The following KALRN variants were observed in gnomAD, a reference collection of about 807,000 sequenced individuals.
KALRN encodes the protein kalirin.
KALRN carries 70 observed loss-of-function variants against 353.7 expected under a neutral mutation model. That is an observed-to-expected ratio of 0.20 (90% CI 0.16 to 0.24). KALRN has a LOEUF of 0.24. Among genes scored for constraint, KALRN ranks in the 10% least tolerant of loss-of-function variants. The pLI, the probability that KALRN is intolerant of heterozygous loss-of-function variation, is 1.00. For synonymous variants in KALRN, 1,391 were observed against 1,434.8 expected, an observed-to-expected ratio of 0.97 and a Z score of 0.69; for missense variants, 2,791 against 3,756.7, an observed-to-expected ratio of 0.74 and a Z score of 6.72.
At chr3:124,355,511 A>ATGAAATAAGAATAAAAGGTATAG (rs1232142064) in intron 10 of KALRN, among the ~76,000 whole-genome samples, 2 of 152,146 alleles carry the variant, frequency 1.3e-5, no homozygotes, top group Non-Finnish European at 2.9e-5. Flanking sequence ...CTTCCCATAG[A>ATGAAATAAGAATAAAAGGTATAG]TGAAATAAGA....
intron 42 of KALRN, 121 bp from the exon 43 acceptor site, chr3:124,659,244 T>A: frequency 1.3e-6 from 1 of 742,240 alleles, no homozygotes. Context: ...TCACATTACT[T>A]AAAGATTCTT....
intron 33 of KALRN, among the ~76,000 whole-genome samples, chr3:124,546,093 A>T (rs1325044576): frequency 1.3e-5 from 2 of 152,110 alleles, no homozygotes; most frequent in Non-Finnish European, 2.9e-5. Flanking sequence ...TTTAAATACA[A>T]TGGCCATTTT....
chr3:124,071,346 C>T (rs547297850), intron 1 of KALRN, among the ~76,000 whole-genome samples: 21 of 152,290 alleles, frequency 1.4e-4, no homozygotes, highest in Non-Finnish European at 1.0e-4. Context: ...CCGTTTATAG[C>T]GCGAAAACAT....
chr3:124,264,758 G>A (rs187793004), intron 4 of KALRN, 68 bp downstream of exon 4: 97 of 1,344,650 alleles, frequency 7.2e-5, no homozygotes, highest in Admixed American at 6.3e-4. Flanking sequence ...CATTTCTCAC[G>A]TCCTCTTCTC....
At chr3:124,352,919 C>T (rs761464213) in intron 10 of KALRN, among the ~76,000 whole-genome samples, 69 of 152,204 alleles carry the variant, frequency 4.5e-4, no homozygotes, top group African/African-American at 1.5e-3. Flanking sequence ...ATATAAATGA[C>T]GGGTTGGTGG....
chr3:124,125,078 T>C (rs1252388900), intron 1 of KALRN, among the ~76,000 whole-genome samples: 1 of 152,176 alleles, frequency 6.6e-6, no homozygotes, highest in Non-Finnish European at 1.5e-5. Flanking sequence ...CAACCCTAGT[T>C]CAGAACCTGG....
At chr3:124,486,073 G>A (rs551899315) in intron 28 of KALRN, among the ~76,000 whole-genome samples, 3 of 152,188 alleles carry the variant, frequency 2.0e-5, no homozygotes, top group South Asian at 4.2e-4. Flanking sequence ...TAGGTATGGC[G>A]TGAAAGTAGA....
At chr3:124,654,373 G>A (rs141701140) in intron 38 of KALRN, among the ~76,000 whole-genome samples, 29 of 152,286 alleles carry the variant, frequency 1.9e-4, no homozygotes, top group African/African-American at 6.5e-4. Context: ...GGGGCTATAC[G>A]GAGCAAGAGT....
At chr3:124,702,254 T>C (rs2150693641) in intron 57 of KALRN, 138 bp downstream of exon 57, 1 of 517,338 alleles carries the variant, frequency 1.9e-6, no homozygotes, top group African/African-American at 1.9e-5. Flanking sequence ...ACTAAAATAT[T>C]CGTTTGTATT....
At chr3:124,585,505 G>A (rs1484755708) in intron 34 of KALRN, among the ~76,000 whole-genome samples, 1 of 152,146 alleles carries the variant, frequency 6.6e-6, no homozygotes, top group African/African-American at 2.4e-5. Context: ...TGCCCAGTTA[G>A]GACTGTATTT....
chr3:124,718,825 G>T (rs2063287402), intron 59 of KALRN, 100 bp from the exon 60 acceptor site: 2 of 1,118,892 alleles, frequency 1.8e-6, no homozygotes, highest in Admixed American at 2.1e-5. Context: ...CTTTATCAAA[G>T]AATAGCATAA....
At chr3:124,594,577 A>C (rs2076099543) in intron 34 of KALRN, among the ~76,000 whole-genome samples, 1 of 152,354 alleles carries the variant, frequency 6.6e-6, no homozygotes, top group South Asian at 2.1e-4. Flanking sequence ...CAAGACTTAA[A>C]CTTGACAACT....
At chr3:124,212,306 T>A (rs2076968356) in intron 1 of KALRN, among the ~76,000 whole-genome samples, 1 of 152,078 alleles carries the variant, frequency 6.6e-6, no homozygotes, top group African/African-American at 2.4e-5. Context: ...AAATCACTAT[T>A]TCAGAAGGTT....
intron 1 of KALRN, among the ~76,000 whole-genome samples, chr3:124,144,979 C>T (rs1009289215): frequency 2.0e-5 from 3 of 152,130 alleles, no homozygotes; most frequent in African/African-American, 7.2e-5. Flanking sequence ...TTCAAGAAAG[C>T]CCAGGAGTTT....
At chr3:124,428,352 A>C (rs2093120769) in intron 15 of KALRN, among the ~76,000 whole-genome samples, 1 of 152,338 alleles carries the variant, frequency 6.6e-6, no homozygotes, top group Non-Finnish European at 1.5e-5. Flanking sequence ...ACTAAAAATC[A>C]CCACCAGTAC....
chr3:124,360,659 T>C (rs1560675455), intron 10 of KALRN, among the ~76,000 whole-genome samples: 1 of 152,238 alleles, frequency 6.6e-6, no homozygotes, highest in South Asian at 2.1e-4. Flanking sequence ...CCAGTATTGA[T>C]TCTGAAAGCA....
intron 33 of KALRN, among the ~76,000 whole-genome samples, chr3:124,509,740 T>G (rs980131776): frequency 2.0e-5 from 3 of 152,226 alleles, no homozygotes; most frequent in African/African-American, 7.2e-5. Context: ...AGGTACTAAA[T>G]TTGTTGGTTT....
chr3:124,584,305 T>TG (rs2074903342), intron 34 of KALRN, among the ~76,000 whole-genome samples: 1 of 151,998 alleles, frequency 6.6e-6, no homozygotes, highest in South Asian at 2.1e-4. Flanking sequence ...GAGGAGGCTG[T>TG]GGGGAGGGAA....
At chr3:124,299,343 G>A (rs2077086391) in intron 6 of KALRN, among the ~76,000 whole-genome samples, 1 of 152,180 alleles carries the variant, frequency 6.6e-6, no homozygotes, top group Non-Finnish European at 1.5e-5. Flanking sequence ...AACCCTAAGG[G>A]ACATGTGATT....
Sources: gnomAD v4.1 joint callset for allele counts (sites outside exome capture counted in the v4.1 genomes callset) on GRCh38, gnomAD v4.1.1 for gene constraint, MANE v1.5 for transcripts, NCBI Gene and HGNC (gene_info 2026-07-23, HGNC 2026-07-21) for gene names.